Variants in MACROD2 observed in about 807,000 individuals in gnomAD.
MACROD2 encodes the protein mono-ADP ribosylhydrolase 2, also known as ADP-ribose glycohydrolase MACROD2.
In MACROD2, 36 loss-of-function variants were observed where a neutral mutation model predicts 70.4. The observed-to-expected ratio is 0.51, with a 90% CI of 0.39 to 0.68. The LOEUF (loss-of-function observed/expected upper bound fraction) is 0.68. Ranked by LOEUF, MACROD2 falls within the 30% of genes least tolerant of loss-of-function variation. The probability of loss-of-function intolerance (pLI) is 0.00; values close to 1 mark genes in which losing one functional copy is unlikely to be tolerated. For synonymous variants in MACROD2, 172 were observed against 178.8 expected (o/e 0.96, Z 0.30); for missense variants, 496 against 538.4 (o/e 0.92, Z 0.78).
At chr20:15,682,609 G>A (rs1355678133) in intron 8 of MACROD2, among the ~76,000 whole-genome samples, 2 of 152,140 alleles carry the variant, frequency 1.3e-5, no homozygotes, top group African/African-American at 4.8e-5. Flanking sequence ...AGAGGACCAT[G>A]TTTCATTCCA....
At chr20:14,954,091 G>A (rs1380442145) in intron 5 of MACROD2, among the ~76,000 whole-genome samples, 1 of 152,014 alleles carries the variant, frequency 6.6e-6, no homozygotes, top group East Asian at 1.9e-4. Context: ...GTTGTTATGT[G>A]AGACACCTTA....
intron 4 of MACROD2, among the ~76,000 whole-genome samples, chr20:14,667,759 T>C (rs1460404867): frequency 1.3e-5 from 2 of 152,162 alleles, no homozygotes; most frequent in African/African-American, 4.8e-5. Context: ...TGAACAAAAC[T>C]TTCTTTATGG....
chr20:15,571,332 C>G (rs2146626741), intron 8 of MACROD2, among the ~76,000 whole-genome samples: 1 of 152,070 alleles, frequency 6.6e-6, no homozygotes, highest in Admixed American at 6.5e-5. Flanking sequence ...AATATCTTCC[C>G]CCATACTTTA....
In MACROD2 at chr20:15,215,028, ATAAT is replaced by A. The variant is rs1322101865; in HGVS notation, c.419-14909_419-14906del. On this transcript the variant is annotated intron_variant, in intron 5 of 17. Coordinates refer to ENST00000684519, the MANE Select transcript of MACROD2 (RefSeq NM_001351661.2). ...AAATAGTACTTGTAATTAATGCATAATAATTAGGTATCTAAAAACAACTCTTCAA... is the reference window on the plus strand; with the variant it reads ...AAATAGTACTTGTAATTAATGCATAATAGGTATCTAAAAACAACTCTTCAA... Among the ~76,000 whole-genome samples the A allele has an allele frequency of 3.3e-5, 5 of 152,288 alleles. No homozygotes were observed. In the East Asian group the frequency reaches 9.6e-4, roughly 29 times the overall value.
intron 3 of MACROD2, among the ~76,000 whole-genome samples, chr20:14,265,531 A>G (rs1399562350): frequency 2.6e-5 from 4 of 151,838 alleles, no homozygotes; most frequent in Non-Finnish European, 5.9e-5. Flanking sequence ...AATTTTTACA[A>G]TAGTTTTTTT....
At chr20:14,579,088 A>G (rs1714315837) in intron 4 of MACROD2, among the ~76,000 whole-genome samples, 2 of 145,310 alleles carry the variant, frequency 1.4e-5, no homozygotes, top group African/African-American at 5.1e-5. Context: ...AAAACATAAC[A>G]CATTCATTTT....
chr20:15,755,862 A>G (rs2051340101), intron 8 of MACROD2, among the ~76,000 whole-genome samples: 1 of 152,192 alleles, frequency 6.6e-6, no homozygotes, highest in Non-Finnish European at 1.5e-5. Flanking sequence ...ATTGGATTAA[A>G]CTGAAAGGAA....
intron 4 of MACROD2, among the ~76,000 whole-genome samples, chr20:14,495,352 G>T (rs190598201): frequency 1.3e-5 from 2 of 152,068 alleles, no homozygotes; most frequent in Non-Finnish European, 2.9e-5. Flanking sequence ...TATGGCACAG[G>T]TCAGGAGAAA....
chr20:14,459,630 C>G (rs1339260819), intron 3 of MACROD2, among the ~76,000 whole-genome samples: 1 of 151,828 alleles, frequency 6.6e-6, no homozygotes, highest in Non-Finnish European at 1.5e-5. Context: ...TTTACCAGTT[C>G]TAATTTTTTT....
chr20:14,171,961 G>C (rs2081224441), intron 3 of MACROD2, among the ~76,000 whole-genome samples: 1 of 152,124 alleles, frequency 6.6e-6, no homozygotes, highest in African/African-American at 2.4e-5. Context: ...TTATTGTGTT[G>C]CTGTCTATCT....
intron 5 of MACROD2, among the ~76,000 whole-genome samples, chr20:14,899,699 A>G (rs566139734): frequency 1.3e-5 from 2 of 152,290 alleles, no homozygotes; most frequent in African/African-American, 4.8e-5. Context: ...GAGTTTCAAC[A>G]TATCTTTTTT....
At chr20:15,683,142 ATTACGAATAAATGAACACTTTCAT>A (rs1367143219) in intron 8 of MACROD2, among the ~76,000 whole-genome samples, 1 of 152,232 alleles carries the variant, frequency 6.6e-6, no homozygotes, top group African/African-American at 2.4e-5. Flanking sequence ...ATGTTAGAAT[ATTACGAATAAATGAACACTTTCAT>A]TTATGAGCTG....
chr20:15,404,442 AG>A (rs2045970201), intron 6 of MACROD2, among the ~76,000 whole-genome samples: 1 of 152,242 alleles, frequency 6.6e-6, no homozygotes, highest in South Asian at 2.1e-4. Flanking sequence ...AAACTGTACC[AG>A]GGAAGAGGAC....
intron 8 of MACROD2, among the ~76,000 whole-genome samples, chr20:15,561,324 A>G (rs528815263): frequency 6.6e-6 from 1 of 152,354 alleles, no homozygotes; most frequent in South Asian, 2.1e-4. Context: ...ATAAGAGAAA[A>G]TCTTTTCCTC....
At chr20:15,276,326 G>T (rs988288563) in intron 6 of MACROD2, among the ~76,000 whole-genome samples, 2 of 151,426 alleles carry the variant, frequency 1.3e-5, no homozygotes, top group African/African-American at 4.9e-5. Flanking sequence ...CGTGAACCCG[G>T]GAGGCGGAGC....
chr20:15,205,781 A>G (rs2076696308), intron 5 of MACROD2, among the ~76,000 whole-genome samples: 1 of 152,252 alleles, frequency 6.6e-6, no homozygotes, highest in African/African-American at 2.4e-5. Flanking sequence ...GATTTTACAG[A>G]ATCACTTCAA....
chr20:15,649,081 CCCTCCCCTT>C (rs1414368182), intron 8 of MACROD2, among the ~76,000 whole-genome samples: 5,800 of 64,980 alleles, frequency 0.089, 371 homozygotes, highest in South Asian at 0.21. Flanking sequence ...CCCTCCCCTT[CCCTCCCCTT>C]CCCTCCCCTC....
intron 2 of MACROD2, among the ~76,000 whole-genome samples, chr20:14,078,473 CT>C: frequency 6.6e-6 from 1 of 152,160 alleles, no homozygotes. Context: ...ATGGCGCGAT[CT>C]CGGCTCACTG....
Position 15,461,006 on chromosome 20 carries a change from A to ATATATT in MACROD2, c.571+29572_571+29573insATATTT. Among the ~76,000 whole-genome samples the ATATATT allele has an allele frequency of 4.3e-4, 29 of 67,004 alleles. 1 individual carries two copies. Among genetic ancestry groups the ATATATT allele is most frequent in the Admixed American group, 5.3e-4 (3 of 5,626 alleles). 44.0% of individuals were successfully genotyped at this position (67,004 alleles called of 152,430 possible). ...TATATATATATATATATATATATAT[A>ATATATT]TTTTTTTTTAATAGATGGGGTCTTG... On this transcript the variant is annotated intron_variant, in intron 7 of 17. Coordinates refer to ENST00000684519, the MANE Select transcript of MACROD2 (RefSeq NM_001351661.2).
Sources: gnomAD v4.1 joint callset for allele counts (sites outside exome capture counted in the v4.1 genomes callset) on GRCh38, gnomAD v4.1.1 for gene constraint, MANE v1.5 for transcripts, NCBI Gene and HGNC (gene_info 2026-07-23, HGNC 2026-07-21) for gene names.